Variants in HMBOX1 observed in about 807,000 individuals in gnomAD.
HMBOX1 encodes the protein homeobox-containing protein 1.
A neutral mutation model predicts 54.5 loss-of-function variants in HMBOX1; 14 were observed. That is an observed-to-expected ratio of 0.26 (90% confidence interval 0.17 to 0.40). The LOEUF is 0.40. Ranked by LOEUF, HMBOX1 falls within the 10% of genes least tolerant of loss-of-function variation. HMBOX1 has a pLI of 1.00. For synonymous variants in HMBOX1, 160 were observed against 181.0 expected, an observed-to-expected ratio of 0.88 and a Z score of 0.93; for missense variants, 332 against 514.4, an observed-to-expected ratio of 0.65 and a Z score of 3.43.
At chr8:28,981,248 A>G (rs571941555) in intron 4 of HMBOX1, among the ~76,000 whole-genome samples, 3 of 152,338 alleles carry the variant, frequency 2.0e-5, no homozygotes, top group Admixed American at 2.0e-4. Context: ...CACTAGTAAT[A>G]TATTTTTATA....
chr8:29,003,884 A>G (rs28539914), intron 4 of HMBOX1, among the ~76,000 whole-genome samples: 2,977 of 152,200 alleles, frequency 0.02, 93 homozygotes, highest in African/African-American at 0.068. Context: ...CTAATTAAAA[A>G]GGAGCTTATG....
chr8:28,972,085 T>G (rs1266373752), intron 3 of HMBOX1, among the ~76,000 whole-genome samples: 1 of 152,206 alleles, frequency 6.6e-6, no homozygotes, highest in African/African-American at 2.4e-5. Flanking sequence ...AGGTGCAACT[T>G]TATTATATGA....
rs1834001122 is a variant in HMBOX1 at position 29,009,831 on chromosome 8, T to C, written c.697+649T>C. The C allele has an allele frequency of 4.1e-6, 5 of 1,218,680 alleles. No individual in the cohort carries two copies. In the South Asian group the frequency reaches 7.4e-5, roughly 18 times the overall value. 75.5% of individuals were successfully genotyped at this position (1,218,680 alleles called of 1,614,324 possible). On this transcript the variant is annotated intron_variant, in intron 5 of 9. Coordinates refer to ENST00000287701, the MANE Select transcript of HMBOX1 (RefSeq NM_001135726.3). Reference sequence around the variant, plus strand: ...TTCAAGATACTAACAGGTGATTTTATAAAGTGAAATCTGAAGTTATGGGAC... The same window carrying C: ...TTCAAGATACTAACAGGTGATTTTACAAAGTGAAATCTGAAGTTATGGGAC...
chr8:29,013,835 A>G (rs914634174), intron 5 of HMBOX1, among the ~76,000 whole-genome samples: 20 of 152,246 alleles, frequency 1.3e-4, no homozygotes, highest in African/African-American at 1.7e-4. Context: ...AAACATTACT[A>G]TAGCAGACAG....
chr8:29,004,265 G>C (rs976976826), intron 4 of HMBOX1, among the ~76,000 whole-genome samples: 1 of 152,194 alleles, frequency 6.6e-6, no homozygotes, highest in Non-Finnish European at 1.5e-5. Flanking sequence ...AATCAATGTT[G>C]TTGGTAATTG....
chr8:29,016,818 G>A (rs1316164521), intron 5 of HMBOX1, among the ~76,000 whole-genome samples: 1 of 152,230 alleles, frequency 6.6e-6, no homozygotes, highest in African/African-American at 2.4e-5. Flanking sequence ...GAGTGAATAA[G>A]AGAGAAAGCA....
intron 1 of HMBOX1, among the ~76,000 whole-genome samples, chr8:28,946,906 C>A (rs1277814575): frequency 6.6e-6 from 1 of 152,078 alleles, no homozygotes; most frequent in East Asian, 1.9e-4. Context: ...AGTTTGAGAA[C>A]CCAGGAGCTT....
intron 1 of HMBOX1, among the ~76,000 whole-genome samples, chr8:28,903,738 T>C (rs1218534729): frequency 1.3e-5 from 2 of 152,246 alleles, no homozygotes; most frequent in Non-Finnish European, 2.9e-5. Flanking sequence ...TTTTAAAAAC[T>C]TGGTTATAGT....
At chr8:28,962,561 T>C (rs545561528) in intron 1 of HMBOX1, among the ~76,000 whole-genome samples, 1 of 152,280 alleles carries the variant, frequency 6.6e-6, no homozygotes, top group Admixed American at 6.5e-5. Context: ...ACACATACTG[T>C]GTTAAAGGCC....
intron 4 of HMBOX1, among the ~76,000 whole-genome samples, chr8:28,994,899 A>G (rs1831561696): frequency 6.6e-6 from 1 of 152,204 alleles, no homozygotes; most frequent in Admixed American, 6.5e-5. Flanking sequence ...TTTAATTGCA[A>G]GAGATCAGGG....
chr8:28,943,756 C>T lies in HMBOX1; in HGVS notation c.-57-20055C>T, dbSNP rs1418390031. ...ATAAATGAGAGTTGATACTTGGTGT[C>T]TAGAGATGGTGGGGTTACCACTGTC... On this transcript the variant is annotated intron_variant, in intron 1 of 9. Transcript: ENST00000287701. 2.0e-5 allele frequency among the ~76,000 whole-genome samples: 3 copies of T among 152,252 alleles called. No homozygotes were observed. The South Asian group carries it at 6.2e-4, about 32-fold the overall frequency.
chr8:28,993,704 C>G (rs1831331030), intron 4 of HMBOX1, among the ~76,000 whole-genome samples: 1 of 152,122 alleles, frequency 6.6e-6, no homozygotes, highest in Non-Finnish European at 1.5e-5. Context: ...ATGTCACAGA[C>G]TCAACAATAA....
At chr8:28,963,938 A>G (rs747280854) in intron 2 of HMBOX1, 48 bp downstream of exon 2, 2 of 1,418,650 alleles carry the variant, frequency 1.4e-6, no homozygotes, top group Non-Finnish European at 2.0e-6. Flanking sequence ...TCATTTTAGT[A>G]AAGTTAAGAT....
Position 29,052,006 on chromosome 8 carries a change from C to T in HMBOX1, c.*851C>T, listed in dbSNP as rs10088428. ...GTTTTCAGAACCACTGTACATTCCA[C>T]GGCACAGTTAGCAGTGCCTGCCTGG... On this transcript the variant is annotated 3_prime_UTR_variant, in exon 10 of 10. Coordinates refer to ENST00000287701, the MANE Select transcript of HMBOX1 (RefSeq NM_001135726.3). 43,712 of 160,236 alleles carry T rather than the reference C, an allele frequency of 0.27. 6,344 individuals carry two copies. Among genetic ancestry groups the T allele is most frequent in the African/African-American group, 0.35 (14,450 of 41,498 alleles). The allele number at this position is 160,236 out of a possible 1,614,324, so 9.9% of individuals were successfully genotyped here.
Position 29,051,134 on chromosome 8 carries a change from A to G in HMBOX1, c.1242A>G (p.Thr414=), listed in dbSNP as rs1806384663. The change falls in exon 10 of 10, where the codon ACA becomes ACG. Residue 414 remains threonine, a synonymous_variant. Transcript: ENST00000287701. ...LARQGANEIK[T]EALDDD ...GACAAGGAGCCAACGAAATCAAGAC[A>G]GAGGCCCTGGATGATGACTGATCAG... is the stretch of plus-strand genomic sequence containing the variant. 1 of 1,613,964 alleles carries G rather than the reference A, an allele frequency of 6.2e-7. No individual in the cohort carries two copies. Among genetic ancestry groups the G allele is most frequent in the African/African-American group, 1.3e-5 (1 of 74,894 alleles).
At chr8:28,956,668 T>C (rs145524945) in intron 1 of HMBOX1, among the ~76,000 whole-genome samples, 9 of 152,302 alleles carry the variant, frequency 5.9e-5, no homozygotes, top group African/African-American at 1.9e-4. Context: ...CCTGCTCATT[T>C]GTGTGTGCGT....
intron 1 of HMBOX1, among the ~76,000 whole-genome samples, chr8:28,907,505 TTATCTC>T (rs1207194193): frequency 1.3e-5 from 2 of 152,246 alleles, no homozygotes; most frequent in African/African-American, 4.8e-5. Context: ...GTAATTAAGT[TTATCTC>T]TATTATATAG....
intron 6 of HMBOX1, 94 bp from the exon 7 acceptor site, chr8:29,045,267 C>A: frequency 1.1e-6 from 1 of 929,866 alleles, no homozygotes; most frequent in Non-Finnish European, 1.7e-6. Context: ...TTGAGTGTGG[C>A]ATCTTACAGA....
intron 1 of HMBOX1, among the ~76,000 whole-genome samples, chr8:28,911,922 A>G (rs1200951549): frequency 1.3e-5 from 2 of 152,152 alleles, no homozygotes; most frequent in Admixed American, 1.3e-4. Context: ...TAACTTTATG[A>G]TGGTGCAAAA....
Sources: allele counts gnomAD v4.1 joint callset (sites outside exome capture counted in the v4.1 genomes callset), GRCh38; gene constraint gnomAD v4.1.1; transcripts MANE v1.5; gene names NCBI Gene and HGNC (gene_info 2026-07-23, HGNC 2026-07-21).